TCEA1: variants seen among roughly 807,000 people sequenced by gnomAD.
The protein encoded by TCEA1 is transcription elongation factor A1.
TCEA1 carries 21 observed loss-of-function variants against 43.8 expected under a neutral mutation model. That is an observed-to-expected ratio of 0.48 (90% CI 0.34 to 0.69). The LOEUF (loss-of-function observed/expected upper bound fraction) is 0.69, where lower values mean the gene tolerates loss of function less well. Among genes scored for constraint, TCEA1 ranks in the 30% least tolerant of loss-of-function variants. The probability of loss-of-function intolerance (pLI) is 0.01; values close to 1 mark genes in which losing one functional copy is unlikely to be tolerated. For missense variants in TCEA1, 250 were observed against 365.1 expected, an observed-to-expected ratio of 0.68 and a Z score of 2.57; for synonymous variants, 104 against 117.5, an observed-to-expected ratio of 0.88 and a Z score of 0.75.
chr8:54,009,605 C>A (rs1000318861), intron 2 of TCEA1, among the ~76,000 whole-genome samples: 2 of 152,084 alleles, frequency 1.3e-5, no homozygotes, highest in Non-Finnish European at 2.9e-5. Context: ...TATGTGAGAG[C>A]TAAAACAGTG....
intron 2 of TCEA1, among the ~76,000 whole-genome samples, chr8:54,003,999 A>T (rs1450389203): frequency 6.6e-6 from 1 of 152,218 alleles, no homozygotes; most frequent in African/African-American, 2.4e-5. Context: ...CATTTCTCCG[A>T]ATAAGATATA....
Position 53,986,920 on chromosome 8 carries a change from A to G in TCEA1, c.523+49T>C, listed in dbSNP as rs1189825519. 2.1e-6 allele frequency: 3 copies of G among 1,441,242 alleles called. No individual in the cohort carries two copies. The East Asian group carries it at 7.4e-5, about 36-fold the overall frequency. The allele number at this position is 1,441,242 out of a possible 1,614,324, so 89.3% of individuals were successfully genotyped here. On this transcript the variant is annotated intron_variant, in intron 6 of 9. Transcript: ENST00000521604. ...GCCTGGCATTTGCATATGTTCAATA[A>G]ATATTACTTATTAAAAAAAACAATT...
chr8:53,983,559 A>G (rs1424235361), intron 7 of TCEA1, among the ~76,000 whole-genome samples: 1 of 152,016 alleles, frequency 6.6e-6, no homozygotes, highest in African/African-American at 2.4e-5. Flanking sequence ...TTACAGGAGC[A>G]GGAGAATCTG....
In TCEA1 at chr8:53,986,323, T is replaced by C. The variant is rs150943945; in HGVS notation, c.523+646A>G. Among the ~76,000 whole-genome samples the C allele has an allele frequency of 1.6e-4, 25 of 152,340 alleles. 1 individual carries two copies. The East Asian group carries it at 2.7e-3, about 16-fold the overall frequency. ...CCTCAGCTAGCCTGTGATGAACATA[T>C]AGGACAAATACATTCCTGTTTGTCC... On this transcript the variant is annotated intron_variant, in intron 6 of 9. Coordinates refer to ENST00000521604, the MANE Select transcript of TCEA1 (RefSeq NM_006756.4).
rs1170037324 is a variant in TCEA1 at position 53,967,668 on chromosome 8, A to G, written c.*436T>C. 22 of 207,952 alleles carry G rather than the reference A, an allele frequency of 1.1e-4. No homozygotes were observed. The highest frequency in any genetic ancestry group is 6.5e-4 in the Admixed American group (11 of 16,960). The allele number at this position is 207,952 out of a possible 1,614,324, so 12.9% of individuals were successfully genotyped here. On this transcript the variant is annotated 3_prime_UTR_variant, in exon 10 of 10. Transcript: ENST00000521604. ...CACCATATTTGGTAAACCTAAAATT[A>G]TATTACCTTTTCTCCTCCTTTAATA... is the stretch of plus-strand genomic sequence containing the variant.
Position 54,022,304 on chromosome 8 carries a change from C to G in TCEA1, c.-179G>C, listed in dbSNP as rs376743416. On this transcript the variant is annotated 5_prime_UTR_variant, in exon 1 of 10. Transcript: ENST00000521604. ...GGCGGCGGCGGCGGCGGCGGCGGCT[C>G]CGGCTCCTCCTCCCCAGGCAGCGAC... The G allele has an allele frequency of 9.0e-6, 6 of 664,438 alleles. No homozygotes were observed. The highest frequency in any genetic ancestry group is 1.8e-5 in the South Asian group (1 of 56,718). The allele number at this position is 664,438 out of a possible 1,614,324, so 41.2% of individuals were successfully genotyped here.
chr8:53,976,824 T>G (rs1407978076), intron 8 of TCEA1, among the ~76,000 whole-genome samples: 6 of 152,210 alleles, frequency 3.9e-5, no homozygotes, highest in Non-Finnish European at 8.8e-5. Flanking sequence ...TTATCAGTGT[T>G]GATGCATTTT....
intron 1 of TCEA1, among the ~76,000 whole-genome samples, chr8:54,018,956 C>T (rs1804932812): frequency 6.6e-6 from 1 of 152,226 alleles, no homozygotes; most frequent in Admixed American, 6.5e-5. Context: ...TTCACATCTT[C>T]ACTTGGCCAT....
chr8:53,978,144 T>C (rs1190788276), intron 8 of TCEA1, among the ~76,000 whole-genome samples: 1 of 152,156 alleles, frequency 6.6e-6, no homozygotes, highest in Non-Finnish European at 1.5e-5. Flanking sequence ...CATGCCTGTA[T>C]TCCCAGTACT....
At chr8:53,972,172 T>G (rs1361494970) in intron 8 of TCEA1, 2 of 314,654 alleles carry the variant, frequency 6.4e-6, no homozygotes, top group Admixed American at 4.7e-5. Flanking sequence ...GACAGTAAAA[T>G]GTTTGACAAA....
At chr8:53,978,772 GTTA>G (rs1053659942) in intron 8 of TCEA1, 6 of 362,880 alleles carry the variant, frequency 1.7e-5, no homozygotes, top group Admixed American at 8.0e-5. Context: ...ATTTGATTAA[GTTA>G]TTATTGTTAA....
At chr8:53,983,070 T>C (rs1467801698) in intron 7 of TCEA1, among the ~76,000 whole-genome samples, 1 of 152,194 alleles carries the variant, frequency 6.6e-6, no homozygotes, top group Non-Finnish European at 1.5e-5. Flanking sequence ...CCCTAATCAG[T>C]CAGCAGCCGT....
chr8:53,983,988 T>C (rs1184477535), intron 7 of TCEA1, among the ~76,000 whole-genome samples: 1 of 151,620 alleles, frequency 6.6e-6, no homozygotes, highest in Non-Finnish European at 1.5e-5. Flanking sequence ...TAATCCCATC[T>C]ACTTGGGAGG....
At chr8:53,999,313 TA>T (rs937913231) in intron 3 of TCEA1, among the ~76,000 whole-genome samples, 1 of 149,254 alleles carries the variant, frequency 6.7e-6, no homozygotes, top group African/African-American at 2.5e-5. Flanking sequence ...AAAAGAACTA[TA>T]AAAAAACATT....
chr8:54,021,044 C>A (rs542390686), intron 1 of TCEA1, among the ~76,000 whole-genome samples: 1 of 152,162 alleles, frequency 6.6e-6, no homozygotes, highest in Admixed American at 6.5e-5. Context: ...AAAAAAATAG[C>A]CAGGCGTGGT....
In TCEA1 at chr8:53,967,645, C is replaced by T. The variant is rs1027416248; in HGVS notation, c.*459G>A. On this transcript the variant is annotated 3_prime_UTR_variant, in exon 10 of 10. Transcript: ENST00000521604. The stretch of plus-strand genomic sequence containing the variant: ...TGGTCAAGTATTATTTGAATACACA[C>T]CATATTTGGTAAACCTAAAATTATA... 5 of 204,022 alleles carry T rather than the reference C, an allele frequency of 2.5e-5. No individual in the cohort carries two copies. Among genetic ancestry groups the T allele is most frequent in the African/African-American group, 9.2e-5 (4 of 43,644 alleles). The allele number at this position is 204,022 out of a possible 1,614,324, so 12.6% of individuals were successfully genotyped here. A position where few individuals can be genotyped will look rare whatever the true frequency, so the allele number is the denominator to read the frequency against.
chr8:53,973,573 G>A (rs1008610526), intron 8 of TCEA1: 1 of 550,732 alleles, frequency 1.8e-6, no homozygotes, highest in Non-Finnish European at 3.5e-6. Flanking sequence ...AGGCTGAAAT[G>A]GCTTTCCTTA....
intron 1 of TCEA1, among the ~76,000 whole-genome samples, chr8:54,018,865 C>G (rs985188485): frequency 1.3e-5 from 2 of 152,176 alleles, no homozygotes; most frequent in African/African-American, 4.8e-5. Context: ...ATGCATGGTT[C>G]AAGAGCAGAT....
In TCEA1 at chr8:53,978,895, G is replaced by A. The variant is rs1803422073; in HGVS notation, c.825+130C>T. 4.4e-6 allele frequency: 5 copies of A among 1,128,476 alleles called. No homozygotes were observed. In the Admixed American group the frequency reaches 1.1e-4, roughly 25 times the overall value. The allele number at this position is 1,128,476 out of a possible 1,614,324, so 69.9% of individuals were successfully genotyped here. ...TCCGTGGTTTCAGGCATCCACTCAGGGTCTTAGAACATATCCCTCCATGGA... is the reference window on the plus strand; with the variant it reads ...TCCGTGGTTTCAGGCATCCACTCAGAGTCTTAGAACATATCCCTCCATGGA... On this transcript the variant is annotated intron_variant, in intron 8 of 9. Coordinates refer to ENST00000521604, the MANE Select transcript of TCEA1 (RefSeq NM_006756.4).
Sources: allele counts gnomAD v4.1 joint callset (sites outside exome capture counted in the v4.1 genomes callset), GRCh38; gene constraint gnomAD v4.1.1; transcripts MANE v1.5; gene names NCBI Gene and HGNC (gene_info 2026-07-23, HGNC 2026-07-21).